The following PLPPR1 variants were observed in gnomAD, a reference collection of about 807,000 sequenced individuals.
PLPPR1 encodes phospholipid phosphatase-related protein type 1.
A neutral mutation model predicts 33.1 loss-of-function variants in PLPPR1; 10 were observed. The observed-to-expected ratio is 0.30, with a 90% CI of 0.19 to 0.51. The LOEUF is 0.51. Among genes scored for constraint, PLPPR1 ranks in the 20% least tolerant of loss-of-function variants. The pLI is 0.97. For synonymous variants in PLPPR1, 151 were observed against 151.0 expected (o/e 1.00, Z 0.00); for missense variants, 304 against 408.1 (o/e 0.74, Z 2.20).
intron 2 of PLPPR1, among the ~76,000 whole-genome samples, chr9:101,229,233 G>C (rs1827134536): frequency 6.6e-6 from 1 of 152,082 alleles, no homozygotes; most frequent in Admixed American, 6.6e-5. Context: ...GAAAAACAGT[G>C]CAGTGTGGTA....
intron 1 of PLPPR1, 42 bp from the exon 2 acceptor site, chr9:101,185,408 C>A: frequency 1.4e-6 from 1 of 727,370 alleles, no homozygotes. Context: ...AGGGACTTCT[C>A]AATATATGGT....
intron 7 of PLPPR1, 30 bp downstream of exon 7, chr9:101,317,526 C>T (rs567923884): frequency 4.4e-6 from 7 of 1,604,162 alleles, no homozygotes; most frequent in Non-Finnish European, 5.1e-6. Flanking sequence ...GCAAACCAAA[C>T]CCACAGGCTG....
Position 101,169,172 on chromosome 9 carries a change from T to G in PLPPR1, c.-45-16278T>G, listed in dbSNP as rs1275617629. ...GACTTTCCCAATGTCTCATCCCTTT[T>G]GGGGTGTGTGTGTCTGTGTGTCTGT... On this transcript the variant is annotated intron_variant, in intron 1 of 7. Coordinates refer to ENST00000374874, the MANE Select transcript of PLPPR1 (RefSeq NM_207299.2). Among the ~76,000 whole-genome samples the G allele has an allele frequency of 3.9e-5, 6 of 152,076 alleles. No homozygotes were observed. The East Asian group carries it at 1.2e-3, about 29-fold the overall frequency.
intron 1 of PLPPR1, among the ~76,000 whole-genome samples, chr9:101,110,411 A>G (rs1831041514): frequency 1.3e-5 from 2 of 152,210 alleles, no homozygotes; most frequent in African/African-American, 4.8e-5. Context: ...ACATCTAGCA[A>G]AATTAAAAGG....
In PLPPR1 at chr9:101,137,458, G is replaced by A. The variant is rs151300305; in HGVS notation, c.-45-47992G>A. Among the ~76,000 whole-genome samples, 212 of 152,306 alleles carry A rather than the reference G, an allele frequency of 1.4e-3. 6 individuals carry two copies. The East Asian group carries it at 0.032, about 23-fold the overall frequency. On this transcript the variant is annotated intron_variant, in intron 1 of 7. Transcript: ENST00000374874. ...AACAGGAGAATGTAAAGTATAGTTA[G>A]GGACACTGATAGCCCATACTTTGCC...
At chr9:101,060,542 T>C (rs1395215609) in intron 1 of PLPPR1, among the ~76,000 whole-genome samples, 1 of 151,978 alleles carries the variant, frequency 6.6e-6, no homozygotes, top group Non-Finnish European at 1.5e-5. Flanking sequence ...CATATATACA[T>C]ATAACAAAAC....
At chr9:101,044,643 G>A (rs557096761) in intron 1 of PLPPR1, among the ~76,000 whole-genome samples, 2 of 152,258 alleles carry the variant, frequency 1.3e-5, no homozygotes, top group African/African-American at 4.8e-5. Context: ...AAAATGAAAG[G>A]AGATGAAGTA....
chr9:101,086,574 G>A (rs1404172617), intron 1 of PLPPR1, among the ~76,000 whole-genome samples: 1 of 152,076 alleles, frequency 6.6e-6, no homozygotes, highest in Non-Finnish European at 1.5e-5. Context: ...AGGGTGATCT[G>A]GGCTATACAT....
At chr9:101,077,486 T>C (rs1830553359) in intron 1 of PLPPR1, among the ~76,000 whole-genome samples, 1 of 152,216 alleles carries the variant, frequency 6.6e-6, no homozygotes, top group Non-Finnish European at 1.5e-5. Flanking sequence ...TAGTTATGCA[T>C]TCAAATAGTG....
In PLPPR1 at chr9:101,204,935, G is replaced by A. The variant is rs184566444; in HGVS notation, c.63+19378G>A. Among the ~76,000 whole-genome samples, 17 of 152,208 alleles carry A rather than the reference G, an allele frequency of 1.1e-4. No individual in the cohort carries two copies. In the East Asian group the frequency reaches 1.5e-3, roughly 14 times the overall value. On this transcript the variant is annotated intron_variant, in intron 2 of 7. Coordinates refer to ENST00000374874, the MANE Select transcript of PLPPR1 (RefSeq NM_207299.2). The stretch of plus-strand genomic sequence containing the variant: ...TTTGTGTATATGGTGTGGACGGGGA[G>A]GGGGAGGGAAATGGGGAGGAGAAAT...
intron 1 of PLPPR1, among the ~76,000 whole-genome samples, chr9:101,097,607 AGT>A (rs1830836409): frequency 6.6e-6 from 1 of 152,188 alleles, no homozygotes; most frequent in African/African-American, 2.4e-5. Context: ...TACACCTGAA[AGT>A]ATTCATTGTC....
At chr9:101,226,568 TCTC>T (rs1172040409) in intron 2 of PLPPR1, among the ~76,000 whole-genome samples, 1 of 152,092 alleles carries the variant, frequency 6.6e-6, no homozygotes, top group Non-Finnish European at 1.5e-5. Flanking sequence ...ATGACTGTCT[TCTC>T]CTTGTGTTCT....
chr9:101,172,622 C>A (rs1825959929), intron 1 of PLPPR1, among the ~76,000 whole-genome samples: 1 of 152,074 alleles, frequency 6.6e-6, no homozygotes, highest in Admixed American at 6.6e-5. Context: ...ATGTGCTCAT[C>A]AGTACTCTGC....
At chr9:101,045,535 A>G (rs1198684920) in intron 1 of PLPPR1, among the ~76,000 whole-genome samples, 1 of 152,236 alleles carries the variant, frequency 6.6e-6, no homozygotes, top group Non-Finnish European at 1.5e-5. Flanking sequence ...GAATGAGCCA[A>G]CAATGCACTG....
intron 1 of PLPPR1, among the ~76,000 whole-genome samples, chr9:101,157,874 T>C (rs2771065): frequency 0.53 from 80,050 of 151,848 alleles, 21,552 homozygotes; most frequent in African/African-American, 0.61. Context: ...CCTGGTTGTA[T>C]ATGCCTGTAG....
chr9:101,231,450 A>G (rs948315826), intron 2 of PLPPR1, among the ~76,000 whole-genome samples: 6 of 151,582 alleles, frequency 4.0e-5, no homozygotes, highest in African/African-American at 1.5e-4. Context: ...AAATTCTCCT[A>G]TTGCAAGAGT....
intron 2 of PLPPR1, among the ~76,000 whole-genome samples, chr9:101,260,167 G>A (rs1399926067): frequency 6.6e-6 from 1 of 151,996 alleles, no homozygotes; most frequent in African/African-American, 2.4e-5. Flanking sequence ...TCATGAGACT[G>A]GGACCCCACC....
At chr9:101,305,072 G>C (rs750355976) in intron 4 of PLPPR1, among the ~76,000 whole-genome samples, 10 of 152,126 alleles carry the variant, frequency 6.6e-5, no homozygotes, top group Non-Finnish European at 4.4e-5. Context: ...GTTTTCTGGG[G>C]AGTCTAAATC....
At chr9:101,191,291 A>AT (rs1054400825) in intron 2 of PLPPR1, among the ~76,000 whole-genome samples, 1 of 152,270 alleles carries the variant, frequency 6.6e-6, no homozygotes, top group Admixed American at 6.5e-5. Flanking sequence ...TTTTCTCATC[A>AT]TTTTTTCTCC....
Sources: allele counts gnomAD v4.1 joint callset (sites outside exome capture counted in the v4.1 genomes callset), GRCh38; gene constraint gnomAD v4.1.1; transcripts MANE v1.5; gene names NCBI Gene and HGNC (gene_info 2026-07-23, HGNC 2026-07-21).